Variants in NLGN4X observed in about 807,000 individuals in gnomAD.
NLGN4X encodes neuroligin-4, X-linked.
A neutral mutation model predicts 40.3 loss-of-function variants in NLGN4X; 3 were observed. The observed-to-expected ratio is 0.07, with a 90% CI of 0.03 to 0.19. The LOEUF (loss-of-function observed/expected upper bound fraction) is 0.19. Ranked by LOEUF, NLGN4X falls within the 10% of genes least tolerant of loss-of-function variation. The probability of loss-of-function intolerance (pLI) is 1.00; values close to 1 mark genes in which losing one functional copy is unlikely to be tolerated. For synonymous variants in NLGN4X, 270 were observed against 306.8 expected (o/e 0.88, Z 1.25); for missense variants, 382 against 708.3 (o/e 0.54, Z 5.23).
intron 3 of NLGN4X, among the ~76,000 whole-genome samples, chrX:5,938,143 ACAGT>A (rs1365303962): frequency 1.8e-5 from 2 of 111,511 alleles, no homozygotes; most frequent in African/African-American, 6.5e-5. Flanking sequence ...CTGGGATCTC[ACAGT>A]CAGGAGTCAA....
intron 1 of NLGN4X, among the ~76,000 whole-genome samples, chrX:6,208,804 C>G (rs1602423891): frequency 1.8e-5 from 2 of 111,705 alleles, no homozygotes; most frequent in African/African-American, 6.5e-5. Flanking sequence ...AGTATAAGTT[C>G]TATGGAAAAC....
At chrX:6,127,264 G>A (rs769307464) in intron 2 of NLGN4X, among the ~76,000 whole-genome samples, 1 of 112,121 alleles carries the variant, frequency 8.9e-6, no homozygotes, top group African/African-American at 3.2e-5. Context: ...CATTTCTCAA[G>A]TTGCATGCCA....
intron 3 of NLGN4X, among the ~76,000 whole-genome samples, chrX:5,922,825 T>G (rs2033123819): frequency 9.0e-6 from 1 of 110,515 alleles, no homozygotes; most frequent in African/African-American, 3.3e-5. Context: ...ATCATGCCAC[T>G]GCACACCAGC....
At chrX:5,900,253 A>T (rs758472480) in intron 5 of NLGN4X, among the ~76,000 whole-genome samples, 1 of 112,381 alleles carries the variant, frequency 8.9e-6, no homozygotes, top group East Asian at 2.8e-4. Flanking sequence ...AGTTGAGGTC[A>T]TACTAGAGTA....
At chrX:6,175,282 G>A (rs2040700731) in intron 1 of NLGN4X, among the ~76,000 whole-genome samples, 1 of 111,114 alleles carries the variant, frequency 9.0e-6, no homozygotes, top group African/African-American at 3.3e-5. Context: ...GAGAAAGGAT[G>A]AGTATAGTAT....
At chrX:6,225,011 T>TACAC (rs1380311869) in intron 1 of NLGN4X, among the ~76,000 whole-genome samples, 17 of 49,538 alleles carry the variant, frequency 3.4e-4, no homozygotes, top group African/African-American at 1.1e-3. Flanking sequence ...TATATATATA[T>TACAC]ACACACACAC....
chrX:6,037,758 T>C (rs1001375686), intron 2 of NLGN4X, among the ~76,000 whole-genome samples: 2 of 56,558 alleles, frequency 3.5e-5, no homozygotes, highest in Non-Finnish European at 6.7e-5. Flanking sequence ...CGGCGGGGGG[T>C]GGGGGAGGGG....
intron 2 of NLGN4X, among the ~76,000 whole-genome samples, chrX:6,121,877 G>A (rs138716110): frequency 1.8e-5 from 2 of 112,577 alleles, no homozygotes; most frequent in South Asian, 3.7e-4. Context: ...CTGTCTGGGC[G>A]GATCAATGCT....
intron 1 of NLGN4X, among the ~76,000 whole-genome samples, chrX:6,202,035 A>G (rs887680453): frequency 2.6e-4 from 29 of 111,433 alleles, no homozygotes; most frequent in African/African-American, 9.1e-4. Flanking sequence ...TTCAATTAAT[A>G]GGCAGTGAAG....
intron 1 of NLGN4X, among the ~76,000 whole-genome samples, chrX:6,213,195 G>A (rs1924772538): frequency 9.0e-6 from 1 of 111,075 alleles, no homozygotes; most frequent in Non-Finnish European, 1.9e-5. Flanking sequence ...ACCGTTGCTA[G>A]GGTGAGATGA....
At chrX:6,010,513 T>TTTATTATTCTTATTATTATTATTATTA in intron 3 of NLGN4X, among the ~76,000 whole-genome samples, 1 of 95,389 alleles carries the variant, frequency 1.0e-5, no homozygotes, top group African/African-American at 3.8e-5. Flanking sequence ...TTCTTTTTAT[T>TTTATTATTCTTATTATTATTATTATTA]TTATTATTAT....
intron 4 of NLGN4X, 34 bp downstream of exon 4, chrX:5,909,020 A>T (rs376875886): frequency 4.2e-6 from 5 of 1,202,565 alleles, no homozygotes; most frequent in Non-Finnish European, 5.6e-6. Flanking sequence ...GGTTCAGGGT[A>T]TTTGCCCGCC....
intron 3 of NLGN4X, among the ~76,000 whole-genome samples, chrX:5,953,202 C>G (rs2034374273): frequency 9.1e-6 from 1 of 110,341 alleles, no homozygotes. Flanking sequence ...GAGACCTAAT[C>G]TACACAAAAT....
intron 2 of NLGN4X, among the ~76,000 whole-genome samples, chrX:6,077,288 G>A (rs1017290460): frequency 9.9e-6 from 1 of 100,818 alleles, no homozygotes; most frequent in Non-Finnish European, 2.1e-5. Flanking sequence ...GTGTGTGTGT[G>A]TGTGTGTCTG....
At chrX:5,910,579 T>G (rs1016407138) in intron 3 of NLGN4X, among the ~76,000 whole-genome samples, 17 of 110,408 alleles carry the variant, frequency 1.5e-4, no homozygotes, top group African/African-American at 4.6e-4. Flanking sequence ...TTCCAAGGAG[T>G]GACTGAGTGC....
intron 2 of NLGN4X, among the ~76,000 whole-genome samples, chrX:6,084,292 C>G (rs1921949): frequency 0.47 from 52,076 of 109,809 alleles, 9,045 homozygotes; most frequent in Admixed American, 0.52. Context: ...GGACAAAGAA[C>G]TATAAATTCC....
chrX:5,986,884 T>C (rs998327421), intron 3 of NLGN4X, among the ~76,000 whole-genome samples: 3 of 111,953 alleles, frequency 2.7e-5, no homozygotes, highest in Non-Finnish European at 5.6e-5. Context: ...TGCACACTCC[T>C]GGTGAAAACA....
chrX:6,017,469 G>T (rs192060582), intron 3 of NLGN4X, among the ~76,000 whole-genome samples: 2 of 111,637 alleles, frequency 1.8e-5, no homozygotes, highest in East Asian at 5.6e-4. Flanking sequence ...CTAGAGGTTC[G>T]CAATATATTG....
At chrX:6,091,999 T>TC (rs2038652547) in intron 2 of NLGN4X, among the ~76,000 whole-genome samples, 1 of 107,518 alleles carries the variant, frequency 9.3e-6, no homozygotes, top group Non-Finnish European at 1.9e-5. Flanking sequence ...CTTTCTTTCT[T>TC]CCCCCCTTCC....
Sources: allele counts gnomAD v4.1 joint callset (sites outside exome capture counted in the v4.1 genomes callset), GRCh38; gene constraint gnomAD v4.1.1; transcripts MANE v1.5; gene names NCBI Gene and HGNC (gene_info 2026-07-23, HGNC 2026-07-21).